Variants in PLD1 observed in about 807,000 individuals in gnomAD.
PLD1 encodes phospholipase D1.
In PLD1, 112 loss-of-function variants were observed where a neutral mutation model predicts 137.1. That is an observed-to-expected ratio of 0.82 (90% CI 0.70 to 0.96). The LOEUF (loss-of-function observed/expected upper bound fraction) is 0.96. Among genes scored for constraint, PLD1 ranks in the 40% least tolerant of loss-of-function variants. The pLI is 0.00. For missense variants in PLD1, 1,321 were observed against 1,342.0 expected, an observed-to-expected ratio of 0.98 and a Z score of 0.24; for synonymous variants, 431 against 454.7, an observed-to-expected ratio of 0.95 and a Z score of 0.66.
intron 1 of PLD1, among the ~76,000 whole-genome samples, chr3:171,763,095 G>C (rs7633686): frequency 0.84 from 127,023 of 151,950 alleles, 53,416 homozygotes; most frequent in Middle Eastern, 0.93. Flanking sequence ...CCATACCACA[G>C]CAAATTGTCT....
chr3:171,676,889 C>T, intron 17 of PLD1, 56 bp from the exon 18 acceptor site: 1 of 1,166,566 alleles, frequency 8.6e-7, no homozygotes, highest in Non-Finnish European at 1.3e-6. Flanking sequence ...GGGGCAAAGT[C>T]TCTCTGACTC....
At chr3:171,764,839 G>GA (rs763094134) in intron 1 of PLD1, among the ~76,000 whole-genome samples, 1 of 10,424 alleles carries the variant, frequency 9.6e-5, no homozygotes, top group Non-Finnish European at 2.3e-4. Flanking sequence ...AAGAAAGAAA[G>GA]AAAGAAAGAA....
intron 24 of PLD1, among the ~76,000 whole-genome samples, chr3:171,615,841 T>C (rs1382258395): frequency 6.6e-6 from 1 of 152,244 alleles, no homozygotes; most frequent in Non-Finnish European, 1.5e-5. Context: ...TATTTGTTTC[T>C]TGGTATAGAC....
At position 171,612,288 on chromosome 3, in the gene PLD1, T is replaced by C. The variant is rs780686076; in HGVS notation, c.2873A>G (p.Gln958Arg). 35 of 1,613,956 alleles carry C rather than the reference T, an allele frequency of 2.2e-5. No individual in the cohort carries two copies. Among genetic ancestry groups the C allele is most frequent in the Non-Finnish European group, 2.8e-5 (33 of 1,179,932 alleles). Residue 958 changes from glutamine to arginine, a missense_variant, in exon 25 of 27, where the codon CAG becomes CGG. By Grantham distance (43) the Gln-to-Arg change is conservative (BLOSUM62 1). Coordinates refer to ENST00000351298, the MANE Select transcript of PLD1 (RefSeq NM_002662.5). The surrounding 1 kb of genome is among the most constrained non-coding windows in gnomAD (Gnocchi z 4.1). ...AGRFARGLRL[Q>R]CFRVVLGYLD... is the part of the protein sequence containing the mutation. ...ACTTTGGCGGACTGACCTAAAGCAC[T>C]GTAGCCGAAGTCCTCGGGCAAACCG...
intron 10 of PLD1, 139 bp downstream of exon 10, chr3:171,709,421 T>C (rs1578327444): frequency 3.3e-6 from 2 of 612,666 alleles, no homozygotes; most frequent in East Asian, 2.8e-5. Context: ...AGTCCCATAA[T>C]TATCACAAAA....
chr3:171,762,055 T>C (rs1257227188), intron 1 of PLD1, among the ~76,000 whole-genome samples: 2 of 152,258 alleles, frequency 1.3e-5, no homozygotes, highest in Non-Finnish European at 2.9e-5. Flanking sequence ...TTCAACCATA[T>C]GTAAAATGTT....
At chr3:171,688,019 G>A (rs1714751733) in intron 14 of PLD1, among the ~76,000 whole-genome samples, 1 of 152,030 alleles carries the variant, frequency 6.6e-6, no homozygotes, top group East Asian at 1.9e-4. Context: ...ATAAGATGAA[G>A]CCCATCAAAT....
chr3:171,659,598 G>A (rs1170320304), intron 20 of PLD1, among the ~76,000 whole-genome samples: 1 of 152,096 alleles, frequency 6.6e-6, no homozygotes, highest in Non-Finnish European at 1.5e-5. Context: ...AGAATACTTA[G>A]GAACACTGCA....
intron 23 of PLD1, among the ~76,000 whole-genome samples, chr3:171,631,866 A>T (rs1469849976): frequency 6.6e-6 from 1 of 152,218 alleles, no homozygotes; most frequent in Non-Finnish European, 1.5e-5. Context: ...ATAGAAAAAA[A>T]TGATGGAATC....
At chr3:171,632,054 A>G (rs1354662242) in intron 23 of PLD1, among the ~76,000 whole-genome samples, 1 of 152,176 alleles carries the variant, frequency 6.6e-6, no homozygotes, top group Non-Finnish European at 1.5e-5. Flanking sequence ...GGCAGACACC[A>G]CCTTCACTAA....
At chr3:171,695,743 A>T (rs945739872) in intron 12 of PLD1, among the ~76,000 whole-genome samples, 1 of 71,808 alleles carries the variant, frequency 1.4e-5, no homozygotes, top group African/African-American at 5.2e-5. Context: ...AGCCCACCCC[A>T]CCCCCCCAAC....
intron 22 of PLD1, among the ~76,000 whole-genome samples, chr3:171,643,946 TA>T (rs1459248238): frequency 6.0e-5 from 9 of 151,186 alleles, no homozygotes; most frequent in African/African-American, 9.7e-5. Flanking sequence ...AAAAGAGGAT[TA>T]AAAAAAAATT....
rs34683994 is a variant in PLD1 at position 171,770,888 on chromosome 3, CAAA to C, written c.-31-32809_-31-32807del. Among the ~76,000 whole-genome samples the C allele has an allele frequency of 3.0e-3, 124 of 40,872 alleles. 1 individual carries two copies. Among genetic ancestry groups the C allele is most frequent in the African/African-American group, 9.4e-3 (119 of 12,600 alleles). The allele number at this position is 40,872 out of a possible 152,430, so 26.8% of individuals were successfully genotyped here. Reference sequence around the variant, plus strand: ...TTGGTGACAGAGCAAAACCCTATCTCAAAAAAAAAAAAAAAAAAAAAAAGGGGG... The same window carrying C: ...TTGGTGACAGAGCAAAACCCTATCTCAAAAAAAAAAAAAAAAAAAAGGGGG... On this transcript the variant is annotated intron_variant, in intron 1 of 26. Coordinates refer to ENST00000351298, the MANE Select transcript of PLD1 (RefSeq NM_002662.5).
At chr3:171,682,167 A>AGAAAGAAAGAAAGAAAGAAG (rs1553819290) in intron 16 of PLD1, among the ~76,000 whole-genome samples, 1 of 30,042 alleles carries the variant, frequency 3.3e-5, no homozygotes, top group Non-Finnish European at 6.8e-5. Flanking sequence ...AAAGAAAGAA[A>AGAAAGAAAGAAAGAAAGAAG]AAGAAAGAAA....
rs143805488 is a variant in PLD1, at chr3:171,804,921, C to T, written c.-32+5478G>A. Among the ~76,000 whole-genome samples the T allele has an allele frequency of 5.1e-4, 77 of 152,310 alleles. 1 individual carries two copies. Among genetic ancestry groups the T allele is most frequent in the Admixed American group, 3.3e-4 (5 of 15,306 alleles). ...TATCTGTGGCCCTCTGCCAATGCCT[C>T]GTCTCTGCATTTGTTTCTCCCCTCC... On this transcript the variant is annotated intron_variant, in intron 1 of 26. Transcript: ENST00000351298.
rs1317702256 is a variant in PLD1, at chr3:171,692,337, T to C, written c.1333A>G (p.Ile445Val). ...ATCAAGATGAACCTGAATACCTTTA[T>C]GTTGGGATGTAGACGCATCAAAGTC... The part of the protein sequence containing the change: ...KRTLMRLHPN[I>V]KVMRHPDHVS... The change falls in exon 13 of 27, where the codon ATA becomes GTA. Residue 445 changes from isoleucine (I) to valine (V), a missense_variant. Physicochemically the swap from Ile to Val is conservative, Grantham distance 29. Transcript: ENST00000351298. 4.3e-6 allele frequency: 6 copies of C among 1,400,596 alleles called. No homozygotes were observed. Among genetic ancestry groups the C allele is most frequent in the Non-Finnish European group, 6.1e-6 (6 of 987,148 alleles). 86.8% of individuals were successfully genotyped at this position (1,400,596 alleles called of 1,614,324 possible). A position where few individuals can be genotyped will look rare whatever the true frequency, so the allele number is the denominator to read the frequency against.
In PLD1 at chr3:171,603,237, C is replaced by T. The variant is rs1321709353; in HGVS notation, c.3066G>A (p.Lys1022=). The T allele has an allele frequency of 6.2e-7, 1 of 1,614,006 alleles. No individual in the cohort carries two copies. Among genetic ancestry groups the T allele is most frequent in the South Asian group, 1.1e-5 (1 of 91,076 alleles). The change falls in exon 27 of 27, where the codon AAG becomes AAA. Residue 1022 remains lysine (K), a synonymous_variant. Coordinates refer to ENST00000351298, the MANE Select transcript of PLD1 (RefSeq NM_002662.5). ...NLIQLRDFIN[K]PVLAKEDPIR... ...TGGGATCTTCCTTAGCTAATACGGG[C>T]TTGTTTATAAAGTCTCTCAGCTGAA...
At chr3:171,642,300 C>CA (rs1467165080) in intron 23 of PLD1, among the ~76,000 whole-genome samples, 5 of 150,672 alleles carry the variant, frequency 3.3e-5, no homozygotes, top group African/African-American at 1.2e-4. Context: ...ACTAAAAATA[C>CA]AAAAAAATTA....
rs1732127387 is a variant in PLD1 at position 171,605,382 on chromosome 3, C to A, written c.2917G>T (p.Asp973Tyr). The change falls in exon 26 of 27, where the codon GAC becomes TAC. Residue 973 changes from aspartate to tyrosine, a missense_variant. Physicochemically the swap from Asp to Tyr is radical, Grantham distance 160. Coordinates refer to ENST00000351298, the MANE Select transcript of PLD1 (RefSeq NM_002662.5). ...TTGTCACTCACTGGATCCTGAATGT[C>A]CTCACTTGGGTCATCAAGATAGCCA... ...VLGYLDDPSE[D>Y]IQDPVSDKFF... The A allele has an allele frequency of 1.2e-6, 2 of 1,613,590 alleles. No individual in the cohort carries two copies. The highest frequency in any genetic ancestry group is 3.3e-5 in the Admixed American group (2 of 59,982).
Sources: allele counts gnomAD v4.1 joint callset (sites outside exome capture counted in the v4.1 genomes callset), GRCh38; gene constraint gnomAD v4.1.1; non-coding constraint Gnocchi (gnomAD v3.1); transcripts MANE v1.5; gene names NCBI Gene and HGNC (gene_info 2026-07-23, HGNC 2026-07-21).